Variants in RNF20 observed in about 807,000 individuals in gnomAD.
RNF20 encodes E3 ubiquitin-protein ligase BRE1A.
Under a neutral mutation model 126.2 loss-of-function variants are expected in RNF20, and 84 were observed. That is an observed-to-expected ratio of 0.67 (90% CI 0.56 to 0.80). RNF20 has a LOEUF of 0.80. Among genes scored for constraint, RNF20 ranks in the 30% least tolerant of loss-of-function variants. The pLI is 0.00. For synonymous variants in RNF20, 400 were observed against 414.3 expected (o/e 0.97, Z 0.42); for missense variants, 869 against 1,188.2 (o/e 0.73, Z 3.95).
At chr9:101,547,605 T>C in intron 9 of RNF20, 87 bp downstream of exon 9, 1 of 1,461,964 alleles carries the variant, frequency 6.8e-7, no homozygotes, top group Middle Eastern at 1.8e-4. Context: ...TGCGTATTCA[T>C]GAGGGATAAG....
intron 14 of RNF20, 73 bp downstream of exon 14, chr9:101,554,178 A>G (rs1346419659): frequency 6.3e-5 from 52 of 828,644 alleles, no homozygotes; most frequent in South Asian, 2.1e-4. Flanking sequence ...ATACTTGCCA[A>G]CGATATAATT....
At chr9:101,561,357 G>A in intron 18 of RNF20, 127 bp downstream of exon 18, 1 of 1,001,520 alleles carries the variant, frequency 1.0e-6, no homozygotes, top group East Asian at 2.4e-5. Context: ...GTTTGTTGAG[G>A]GAAGAGAGTA....
In RNF20 at chr9:101,544,752, GTTC is replaced by G. The variant is rs1341666505; in HGVS notation, c.629-8_629-6del. The G allele has an allele frequency of 2.0e-6, 3 of 1,490,732 alleles. No homozygotes were observed. The highest frequency in any genetic ancestry group is 1.1e-5 in the South Asian group (1 of 88,558). 92.3% of individuals were successfully genotyped at this position (1,490,732 alleles called of 1,614,324 possible). A position where few individuals can be genotyped will look rare whatever the true frequency, so the allele number is the denominator to read the frequency against. ...ACTCTAGATGCTAAATTAAAGTATA[GTTC>G]TTCTTCCCCAGATAATCTGATAGTG... is the stretch of plus-strand genomic sequence containing the variant. On this transcript the variant is annotated splice_polypyrimidine_tract_variant and intron_variant, in intron 5 of 19. Coordinates refer to ENST00000389120, the MANE Select transcript of RNF20 (RefSeq NM_019592.7).
At chr9:101,549,528 G>A (rs970520067) in intron 9 of RNF20, among the ~76,000 whole-genome samples, 1 of 152,106 alleles carries the variant, frequency 6.6e-6, no homozygotes, top group African/African-American at 2.4e-5. Context: ...ACTAATGTCA[G>A]GCCCTCCACA....
At chr9:101,534,253 G>A (rs182778064) in intron 1 of RNF20, 12 of 152,284 alleles carry the variant, frequency 7.9e-5, no homozygotes, top group Middle Eastern at 3.4e-3. Flanking sequence ...TCCTGAAGTA[G>A]CCAAAGTGCT....
chr9:101,550,886 T>C, intron 10 of RNF20, 101 bp downstream of exon 10: 1 of 1,088,060 alleles, frequency 9.2e-7, no homozygotes, highest in Non-Finnish European at 1.4e-6. Context: ...CATTCAGCTG[T>C]CATTCATAGA....
rs1827216345 is a variant in RNF20 at position 101,538,419 on chromosome 9, G to T, written c.130-1784G>T. On this transcript the variant is annotated intron_variant, in intron 2 of 19. Transcript: ENST00000389120. ...GGCATTTACAGATGAATTCAACAGAGCATGGCGGCAGGTGGTATAGGCTAA... is the reference window on the plus strand; with the variant it reads ...GGCATTTACAGATGAATTCAACAGATCATGGCGGCAGGTGGTATAGGCTAA... 2.0e-5 allele frequency among the ~76,000 whole-genome samples: 3 copies of T among 152,176 alleles called. No homozygotes were observed. The South Asian group carries it at 6.2e-4, about 32-fold the overall frequency.
At chr9:101,552,813 A>G (rs1485950438) in intron 13 of RNF20, 60 bp downstream of exon 13, 10 of 1,484,094 alleles carry the variant, frequency 6.7e-6, no homozygotes, top group Admixed American at 2.2e-5. Flanking sequence ...GACATCATGC[A>G]TGAAATGTTT....
chr9:101,553,043 T>C (rs533324755), intron 13 of RNF20, among the ~76,000 whole-genome samples: 2 of 152,302 alleles, frequency 1.3e-5, no homozygotes, highest in South Asian at 2.1e-4. Flanking sequence ...CTGAGAATTA[T>C]TGGGAATTAA....
chr9:101,537,605 G>A (rs773760113), intron 2 of RNF20, among the ~76,000 whole-genome samples: 5 of 152,056 alleles, frequency 3.3e-5, no homozygotes, highest in Non-Finnish European at 5.9e-5. Context: ...AGGTCTGCTG[G>A]GGCACTACAA....
intron 1 of RNF20, among the ~76,000 whole-genome samples, chr9:101,534,605 A>T (rs1032276560): frequency 1.3e-5 from 2 of 152,192 alleles, no homozygotes; most frequent in African/African-American, 4.8e-5. Context: ...GGAAGTATAT[A>T]CTGTGGTTAT....
intron 2 of RNF20, among the ~76,000 whole-genome samples, chr9:101,536,665 A>G (rs1827189461): frequency 6.6e-6 from 1 of 152,210 alleles, no homozygotes; most frequent in Non-Finnish European, 1.5e-5. Context: ...GACAGCCCCT[A>G]GACTTTAGTT....
At chr9:101,556,777 T>G (rs10120085) in intron 15 of RNF20, among the ~76,000 whole-genome samples, 1 of 151,866 alleles carries the variant, frequency 6.6e-6, no homozygotes, top group Admixed American at 6.6e-5. Context: ...ATTTTTAACT[T>G]TTATTACAAA....
intron 5 of RNF20, among the ~76,000 whole-genome samples, chr9:101,542,969 C>T (rs900016814): frequency 1.3e-5 from 2 of 152,134 alleles, no homozygotes; most frequent in South Asian, 2.1e-4. Flanking sequence ...GAAAGTTCAT[C>T]CCCCTGACTT....
chr9:101,555,843 C>T (rs1028811021), intron 15 of RNF20, among the ~76,000 whole-genome samples: 10 of 151,382 alleles, frequency 6.6e-5, no homozygotes, highest in African/African-American at 1.9e-4. Context: ...CCTGTAATCC[C>T]AGCTACTTGG....
chr9:101,536,757 A>G (rs1588215420), intron 2 of RNF20, among the ~76,000 whole-genome samples: 2 of 152,190 alleles, frequency 1.3e-5, no homozygotes, highest in South Asian at 4.1e-4. Context: ...ACTTATGGGA[A>G]GCACATAGCA....
chr9:101,536,214 TTA>T (rs1302477214), intron 2 of RNF20, among the ~76,000 whole-genome samples: 4 of 152,326 alleles, frequency 2.6e-5, no homozygotes, highest in Admixed American at 2.0e-4. Context: ...AAAATGAGTA[TTA>T]TATACCAAAA....
intron 5 of RNF20, among the ~76,000 whole-genome samples, chr9:101,541,669 AATT>A (rs1412107247): frequency 3.3e-5 from 5 of 152,182 alleles, no homozygotes; most frequent in Admixed American, 6.5e-5. Flanking sequence ...TATATTATTT[AATT>A]ATTAGTTACA....
At chr9:101,537,077 A>T (rs546505293) in intron 2 of RNF20, among the ~76,000 whole-genome samples, 1 of 152,358 alleles carries the variant, frequency 6.6e-6, no homozygotes, top group South Asian at 2.1e-4. Flanking sequence ...ATTGCGGGAC[A>T]GAAAAACTGA....
Sources: allele counts gnomAD v4.1 joint callset (sites outside exome capture counted in the v4.1 genomes callset), GRCh38; gene constraint gnomAD v4.1.1; transcripts MANE v1.5; gene names NCBI Gene and HGNC (gene_info 2026-07-23, HGNC 2026-07-21).